Variants in ADAMTS13 observed in about 807,000 individuals in gnomAD.
The protein encoded by ADAMTS13 is A disintegrin and metalloproteinase with thrombospondin motifs 13.
Under a neutral mutation model 155.1 loss-of-function variants are expected in ADAMTS13, and 110 were observed. That is an observed-to-expected ratio of 0.71 (90% confidence interval 0.61 to 0.83). The LOEUF (loss-of-function observed/expected upper bound fraction) is 0.83. Ranked by LOEUF, ADAMTS13 falls within the 40% of genes least tolerant of loss-of-function variation. The pLI is 0.00. For missense variants in ADAMTS13, 1,707 were observed against 1,891.7 expected (o/e 0.90, Z 1.81); for synonymous variants, 758 against 756.4 (o/e 1.00, Z -0.03).
Position 133,459,248 on chromosome 9 carries a change from C to A in ADAMTS13, c.*68C>A. 1.4e-6 allele frequency: 2 copies of A among 1,452,400 alleles called. No homozygotes were observed. The highest frequency in any genetic ancestry group is 1.9e-6 in the Non-Finnish European group (2 of 1,058,222). The allele number at this position is 1,452,400 out of a possible 1,614,324, so 90.0% of individuals were successfully genotyped here. A position where few individuals can be genotyped will look rare whatever the true frequency, so the allele number is the denominator to read the frequency against. On this transcript the variant is annotated 3_prime_UTR_variant, in exon 29 of 29. Coordinates refer to ENST00000355699, the MANE Select transcript of ADAMTS13 (RefSeq NM_139027.6). ...GTTGACCCCTGGTCTCAGTGCTTTC[C>A]AATTCGAACTTTTTCCAATCTTAGG...
At chr9:133,454,308 GC>G (rs1842612295) in intron 23 of ADAMTS13, 106 bp from the exon 24 acceptor site, 2 of 1,351,576 alleles carry the variant, frequency 1.5e-6, no homozygotes, top group African/African-American at 2.9e-5. Context: ...GGCCACGGAA[GC>G]TGTCTAGGCA....
rs782806551 is a variant in ADAMTS13 at position 133,456,727 on chromosome 9, C to T, written c.3724+8C>T. On this transcript the variant is annotated splice_region_variant and intron_variant, in intron 27 of 28. Coordinates refer to ENST00000355699, the MANE Select transcript of ADAMTS13 (RefSeq NM_139027.6). This position sits in a 1 kb window ranked among gnomAD's most constrained non-coding sequence, Gnocchi z 4.4. ...CTGAAACCTTCTACAGAGGTATGGC[C>T]AGGCCTTCTCCACCTCCCTTGGGTG... The T allele has an allele frequency of 1.5e-5, 24 of 1,555,154 alleles. 1 individual carries two copies. The South Asian group carries it at 2.7e-4, about 18-fold the overall frequency.
At chr9:133,447,164 G>GT (rs988833783) in intron 21 of ADAMTS13, among the ~76,000 whole-genome samples, 24 of 151,810 alleles carry the variant, frequency 1.6e-4, no homozygotes, top group Middle Eastern at 6.8e-3. Context: ...CTATTTCTGT[G>GT]TTTTTTTTAT....
At position 133,433,677 on chromosome 9, in the gene ADAMTS13, C is replaced by T. The variant is rs1554788229; in HGVS notation, c.1281C>T (p.Asp427=). 6 of 1,613,672 alleles carry T rather than the reference C, an allele frequency of 3.7e-6. No individual in the cohort carries two copies. Among genetic ancestry groups the T allele is most frequent in the Non-Finnish European group, 5.1e-6 (6 of 1,180,002 alleles). Residue 427 remains aspartate (D), a synonymous_variant, in exon 11 of 29, where the codon GAC becomes GAT. Coordinates refer to ENST00000355699, the MANE Select transcript of ADAMTS13 (RefSeq NM_139027.6). ...AFGGRACVGA[D]LQAEMCNTQA... ...GGGGGCGTGCATGTGTTGGTGCTGA[C>T]CTCCAGGCCGAGATGTGCAACACTC...
chr9:133,457,863 C>A, intron 27 of ADAMTS13, 47 bp from the exon 28 acceptor site: 1 of 1,611,164 alleles, frequency 6.2e-7, no homozygotes, highest in Non-Finnish European at 8.5e-7. Context: ...TGGCCTCTGG[C>A]ACCACCGGTC....
In ADAMTS13 at chr9:133,426,189, T is replaced by C; in HGVS notation, c.540-10T>C. On this transcript the variant is annotated splice_polypyrimidine_tract_variant and intron_variant, in intron 5 of 28. Transcript: ENST00000355699. ...TGGCACCACCCAAGTGACTGTTTTC[T>C]CTCACCGAGGTTTGACCTGGAGTTG... 1 of 1,614,018 alleles carries C rather than the reference T, an allele frequency of 6.2e-7. No homozygotes were observed. The highest frequency in any genetic ancestry group is 1.1e-5 in the South Asian group (1 of 91,088).
rs782709084 is a variant in ADAMTS13 at position 133,426,190 on chromosome 9, C to T, written c.540-9C>T. On this transcript the variant is annotated splice_polypyrimidine_tract_variant and intron_variant, in intron 5 of 28. Coordinates refer to ENST00000355699, the MANE Select transcript of ADAMTS13 (RefSeq NM_139027.6). ...GGCACCACCCAAGTGACTGTTTTCT[C>T]TCACCGAGGTTTGACCTGGAGTTGC... 9.9e-6 allele frequency: 16 copies of T among 1,613,900 alleles called. No homozygotes were observed. The highest frequency in any genetic ancestry group is 6.7e-5 in the East Asian group (3 of 44,900).
intron 1 of ADAMTS13, chr9:133,414,830 G>C (rs1554781203): frequency 6.2e-7 from 1 of 1,614,146 alleles, no homozygotes; most frequent in Admixed American, 1.7e-5. Context: ...GTCCATCTTG[G>C]AACCTGAAGG....
At chr9:133,419,974 G>A (rs1201024773), upstream of ADAMTS13, among the ~76,000 whole-genome samples, 3 of 151,462 alleles carry the variant, frequency 2.0e-5, no homozygotes, top group Non-Finnish European at 4.4e-5. Flanking sequence ...GCGCAATCTC[G>A]GCTCACCGCA....
At position 133,443,422 on chromosome 9, in the gene ADAMTS13, G is replaced by A. The variant is rs782542048; in HGVS notation, c.2281G>A (p.Gly761Ser). 4 of 1,597,350 alleles carry A rather than the reference G, an allele frequency of 2.5e-6. No homozygotes were observed. The highest frequency in any genetic ancestry group is 2.7e-5 in the African/African-American group (2 of 74,824). The change falls in exon 19 of 29, where the codon GGC (glycine) becomes AGC (serine). Residue 761 changes from glycine (G) to serine (S), a missense_variant. Gly to Ser is a moderately conservative substitution (Grantham distance 56, BLOSUM62 0). Transcript: ENST00000355699. ...CCCATGCAGCGCCTCCTGTGGGGGT[G>A]GCCTGCGGGAGCGGCCAGTGCGCTG... ...FGPCSASCGG[G>S]LRERPVRCVE... is the part of the protein sequence containing the mutation.
Position 133,426,362 on chromosome 9 carries a change from G to A in ADAMTS13, c.686+17G>A, listed in dbSNP as rs782124066. 6.3e-7 allele frequency: 1 copy of A among 1,599,202 alleles called. No homozygotes were observed. Among genetic ancestry groups the A allele is most frequent in the South Asian group, 1.1e-5 (1 of 91,078 alleles). On this transcript the variant is annotated intron_variant, in intron 6 of 28. Coordinates refer to ENST00000355699, the MANE Select transcript of ADAMTS13 (RefSeq NM_139027.6). ...TGGGCACAGGTATGTAGCCCCACCA[G>A]CTGTCCCCAGGATCTGGCAAGGAGC...
In ADAMTS13 at chr9:133,423,814, T is replaced by C. The variant is rs144237995; in HGVS notation, c.173-507T>C. 2.6e-4 allele frequency among the ~76,000 whole-genome samples: 40 copies of C among 152,366 alleles called. No homozygotes were observed. The East Asian group carries it at 6.2e-3, about 24-fold the overall frequency. ...TGGGGGCTGGATGCAGCCGACGCTG[T>C]CTGGGTATCCCATAGCCTGGGTCCT... is the stretch of plus-strand genomic sequence containing the variant. On this transcript the variant is annotated intron_variant, in intron 2 of 28. Coordinates refer to ENST00000355699, the MANE Select transcript of ADAMTS13 (RefSeq NM_139027.6).
upstream of ADAMTS13, chr9:133,418,158 A>G (rs1839792228): frequency 9.8e-6 from 4 of 408,366 alleles, no homozygotes; most frequent in South Asian, 1.3e-4. Flanking sequence ...ATCCGGGGTC[A>G]TCGACCTCGA....
chr9:133,434,111 A>G (rs976082604), intron 11 of ADAMTS13, among the ~76,000 whole-genome samples: 2 of 151,522 alleles, frequency 1.3e-5, no homozygotes, highest in Non-Finnish European at 2.9e-5. Context: ...AAAAATAAAA[A>G]TTAAAAAAGA....
At chr9:133,443,228 G>A in intron 18 of ADAMTS13, 148 bp from the exon 19 acceptor site, 1 of 1,010,792 alleles carries the variant, frequency 9.9e-7, no homozygotes. Context: ...CAGCCGTCTG[G>A]CAGCCTGGGA....
chr9:133,435,983 T>C (rs28580875), intron 11 of ADAMTS13, among the ~76,000 whole-genome samples: 8,416 of 149,796 alleles, frequency 0.056, 331 homozygotes, highest in Non-Finnish European at 0.09. Context: ...TCTTCTTTTT[T>C]TTTTTTTTTT....
intron 12 of ADAMTS13, among the ~76,000 whole-genome samples, chr9:133,437,313 G>A (rs587631080): frequency 2.3e-4 from 35 of 152,312 alleles, no homozygotes; most frequent in East Asian, 2.1e-3. Flanking sequence ...CTGGAGTGCA[G>A]GGGCGTAATC....
rs782530151 is a variant in ADAMTS13, at chr9:133,456,026, A to G, written c.3401-43A>G. On this transcript the variant is annotated intron_variant, in intron 25 of 28. Transcript: ENST00000355699. The surrounding 1 kb of genome is among the most constrained non-coding windows in gnomAD (Gnocchi z 4.4). The stretch of plus-strand genomic sequence containing the variant: ...AAGCCCCGGAGCCTGCCCTGCTGGG[A>G]ATCGGGGAAGCACTGCTTACCTGTC... 1.2e-6 allele frequency: 2 copies of G among 1,612,552 alleles called. No individual in the cohort carries two copies. Among genetic ancestry groups the G allele is most frequent in the Non-Finnish European group, 1.7e-6 (2 of 1,179,922 alleles).
At chr9:133,448,414 C>G (rs587673970) in intron 21 of ADAMTS13, among the ~76,000 whole-genome samples, 185 bp from the exon 22 acceptor site, 7 of 152,344 alleles carry the variant, frequency 4.6e-5, no homozygotes, top group African/African-American at 1.4e-4. Context: ...ATGCCATTAT[C>G]TTTTTTTCTA....
Sources: allele counts gnomAD v4.1 joint callset (sites outside exome capture counted in the v4.1 genomes callset), GRCh38; gene constraint gnomAD v4.1.1; non-coding constraint Gnocchi (gnomAD v3.1); transcripts MANE v1.5; gene names NCBI Gene and HGNC (gene_info 2026-07-23, HGNC 2026-07-21).